ADGRV1: variants seen among roughly 807,000 people sequenced by gnomAD.
ADGRV1 encodes the protein G-protein coupled receptor 98.
ADGRV1 carries 359 observed loss-of-function variants against 596.2 expected under a neutral mutation model. That is an observed-to-expected ratio of 0.60 (90% CI 0.55 to 0.66). The LOEUF (loss-of-function observed/expected upper bound fraction) is 0.66, where lower values mean the gene tolerates loss of function less well. Among genes scored for constraint, ADGRV1 ranks in the 30% least tolerant of loss-of-function variants. The pLI is 0.00. For missense variants in ADGRV1, 7,274 were observed against 7,575.6 expected, an observed-to-expected ratio of 0.96 and a Z score of 1.48; for synonymous variants, 2,681 against 2,679.2, an observed-to-expected ratio of 1.00 and a Z score of -0.02.
At chr5:90,667,796 T>C (rs1302039413) in intron 21 of ADGRV1, among the ~76,000 whole-genome samples, 1 of 152,232 alleles carries the variant, frequency 6.6e-6, no homozygotes, top group African/African-American at 2.4e-5. Flanking sequence ...TTGGTGTGGA[T>C]GTCCTTTCTG....
chr5:91,140,613 A>G (rs1467113640), intron 87 of ADGRV1, among the ~76,000 whole-genome samples: 1 of 152,130 alleles, frequency 6.6e-6, no homozygotes, highest in Non-Finnish European at 1.5e-5. Context: ...ATTAAGTCCC[A>G]CCTCAATACC....
chr5:90,627,812 T>G, intron 7 of ADGRV1, 36 bp downstream of exon 7: 1 of 1,243,394 alleles, frequency 8.0e-7, no homozygotes, highest in South Asian at 1.7e-5. Flanking sequence ...TACCATTATT[T>G]TATTATATTA....
intron 26 of ADGRV1, 29 bp downstream of exon 26, chr5:90,679,658 A>G: frequency 6.7e-7 from 1 of 1,501,858 alleles, no homozygotes; most frequent in Non-Finnish European, 9.2e-7. Flanking sequence ...GTCCTTTACT[A>G]TTATAGGTTT....
chr5:91,046,575 C>T (rs1400133190), intron 85 of ADGRV1, among the ~76,000 whole-genome samples: 2 of 152,088 alleles, frequency 1.3e-5, no homozygotes, highest in Non-Finnish European at 2.9e-5. Context: ...AGATAACTAA[C>T]GTTGGAAAAC....
At position 90,848,819 on chromosome 5, in the gene ADGRV1, AAAGT is replaced by A; in HGVS notation, c.17204+4_17204+7del. 1.9e-6 allele frequency: 3 copies of A among 1,578,698 alleles called. No individual in the cohort carries two copies. Among genetic ancestry groups the A allele is most frequent in the Non-Finnish European group, 2.6e-6 (3 of 1,167,240 alleles). ...ATGTTACTTGCGGCTCTCCTGGTGA[AAAGT>A]AAGTATCTTTTAATATATTAGCAGT... On this transcript the variant is annotated splice_donor_variant and coding_sequence_variant, in exon 79 of 90. Coordinates refer to ENST00000405460, the MANE Select transcript of ADGRV1 (RefSeq NM_032119.4). LOFTEE classifies it high-confidence loss of function.
At chr5:90,958,388 A>G (rs1777693276) in intron 83 of ADGRV1, among the ~76,000 whole-genome samples, 1 of 152,272 alleles carries the variant, frequency 6.6e-6, no homozygotes, top group Admixed American at 6.5e-5. Context: ...TTTAATATCA[A>G]TTCTCAATAA....
intron 50 of ADGRV1, among the ~76,000 whole-genome samples, chr5:90,742,589 G>C (rs1754086476): frequency 6.6e-6 from 1 of 152,152 alleles, no homozygotes; most frequent in Admixed American, 6.6e-5. Flanking sequence ...TGGAGATAGA[G>C]AGATGGGCAG....
At position 90,614,983 on chromosome 5, in the gene ADGRV1, G is replaced by T; in HGVS notation, c.171G>T (p.Arg57Ser). 6.6e-7 allele frequency: 1 copy of T among 1,516,932 alleles called. No individual in the cohort carries two copies. 94.0% of individuals were successfully genotyped at this position (1,516,932 alleles called of 1,614,324 possible). The change falls in exon 2 of 90, where the codon AGG becomes AGT. Residue 57 changes from arginine to serine, a missense_variant. Coordinates refer to ENST00000405460, the MANE Select transcript of ADGRV1 (RefSeq NM_032119.4). ...CAGTTATTCGTCTTATCATTGAAAGGATAGGAGAGCCAGCAAATGTTACTG... is the reference window on the plus strand; with the variant it reads ...CAGTTATTCGTCTTATCATTGAAAGTATAGGAGAGCCAGCAAATGTTACTG... ...STTVIRLIIE[R>S]IGEPANVTAI...
At chr5:90,651,829 A>G (rs1768669486) in intron 18 of ADGRV1, 99 bp downstream of exon 18, 2 of 765,526 alleles carry the variant, frequency 2.6e-6, no homozygotes, top group Non-Finnish European at 4.1e-6. Flanking sequence ...AAAATTGGTT[A>G]AGAATTGAGT....
chr5:90,783,930 A>G lies in ADGRV1; in HGVS notation c.13526A>G (p.Lys4509Arg). The change falls in exon 67 of 90, where the codon AAG (lysine) becomes AGG (arginine). Residue 4509 changes from lysine to arginine, a missense_variant. By Grantham distance (26) the Lys-to-Arg change is conservative. Transcript: ENST00000405460. ...RHLVSRIIIA[K>R]SDSPFGVIRF... ...CTAGTGAGCAGAATCATAATAGCTA[A>G]GAGTGACTCTCCCTTTGGAGTTATA... 1 of 1,612,492 alleles carries G rather than the reference A, an allele frequency of 6.2e-7. No individual in the cohort carries two copies.
chr5:90,822,645 G>C (rs985756979), intron 75 of ADGRV1, among the ~76,000 whole-genome samples: 70 of 152,238 alleles, frequency 4.6e-4, no homozygotes, highest in African/African-American at 1.6e-3. Context: ...CTTTAAAGTA[G>C]TTTTTTCCAA....
At chr5:90,561,723 C>A (rs1413251654) in intron 1 of ADGRV1, among the ~76,000 whole-genome samples, 1 of 152,146 alleles carries the variant, frequency 6.6e-6, no homozygotes, top group East Asian at 1.9e-4. Context: ...AATGCCATCA[C>A]CATTTTTCAC....
chr5:90,791,229 G>A lies in ADGRV1; in HGVS notation c.14400G>A (p.Gly4800=), dbSNP rs371607779. ...GAACATTTGGAGATGTGGCTGTTGG[G>A]CTTCGAATATCATCGGATCATAAAG... ...LAGTFGDVAV[G]LRISSDHKEQ... The change falls in exon 70 of 90, where the codon GGG becomes GGA. Residue 4800 remains glycine (G), a synonymous_variant. Transcript: ENST00000405460. The A allele has an allele frequency of 6.2e-6, 10 of 1,613,528 alleles. No homozygotes were observed. The highest frequency in any genetic ancestry group is 8.5e-6 in the Non-Finnish European group (10 of 1,179,748).
chr5:90,886,191 T>C lies in ADGRV1; in HGVS notation c.17856+22334T>C, dbSNP rs550507230. On this transcript the variant is annotated intron_variant, in intron 83 of 89. Transcript: ENST00000405460. ...ATTGCTCAAAGGAACTCTGATCATA[T>C]TCTCACTAGTATTACCTAATAGTCG... Among the ~76,000 whole-genome samples the C allele has an allele frequency of 2.6e-5, 4 of 152,302 alleles. No individual in the cohort carries two copies. In the East Asian group the frequency reaches 7.7e-4, roughly 29 times the overall value.
chr5:90,806,223 T>G (rs1761889015), intron 72 of ADGRV1, among the ~76,000 whole-genome samples: 1 of 151,934 alleles, frequency 6.6e-6, no homozygotes, highest in African/African-American at 2.4e-5. Flanking sequence ...CCAGTGAAAA[T>G]GACAACATTT....
intron 52 of ADGRV1, among the ~76,000 whole-genome samples, chr5:90,747,116 T>C (rs1255805350): frequency 2.0e-5 from 3 of 152,092 alleles, no homozygotes; most frequent in Non-Finnish European, 4.4e-5. Context: ...CAGTAAGGGC[T>C]GTTTGGAGGA....
At chr5:90,684,259 A>C in intron 28 of ADGRV1, 64 bp downstream of exon 28, 1 of 1,384,822 alleles carries the variant, frequency 7.2e-7, no homozygotes, top group African/African-American at 1.5e-5. Flanking sequence ...AATCAGTTTT[A>C]AATTTTATTT....
intron 83 of ADGRV1, among the ~76,000 whole-genome samples, chr5:90,930,869 C>T (rs554098509): frequency 7.2e-5 from 11 of 152,208 alleles, no homozygotes; most frequent in African/African-American, 2.6e-4. Flanking sequence ...TAAACACTTG[C>T]AGAGGGTCCC....
chr5:90,632,516 T>G (rs991617250), intron 9 of ADGRV1, among the ~76,000 whole-genome samples: 1 of 152,198 alleles, frequency 6.6e-6, no homozygotes, highest in Admixed American at 6.5e-5. Flanking sequence ...TATGTTAAAC[T>G]TTTAATCTTT....
Sources: allele counts gnomAD v4.1 joint callset (sites outside exome capture counted in the v4.1 genomes callset), GRCh38; gene constraint gnomAD v4.1.1; transcripts MANE v1.5; gene names NCBI Gene and HGNC (gene_info 2026-07-23, HGNC 2026-07-21).